ARID5B: variants seen among roughly 807,000 people sequenced by gnomAD.
ARID5B encodes AT-rich interactive domain-containing protein 5B.
In ARID5B, 13 loss-of-function variants were observed where a neutral mutation model predicts 97.2. That is an observed-to-expected ratio of 0.13 (90% CI 0.09 to 0.21). The LOEUF is 0.21. Ranked by LOEUF, ARID5B falls within the 10% of genes least tolerant of loss-of-function variation. ARID5B has a pLI of 1.00. For missense variants in ARID5B, 1,210 were observed against 1,465.3 expected (o/e 0.83, Z 2.84); for synonymous variants, 556 against 570.3 (o/e 0.97, Z 0.36).
At chr10:62,052,879 C>G (rs894494251) in intron 5 of ARID5B, among the ~76,000 whole-genome samples, 4 of 152,228 alleles carry the variant, frequency 2.6e-5, no homozygotes, top group Non-Finnish European at 5.9e-5. Flanking sequence ...ATGCTGCAGT[C>G]AGCTCCTAGG....
chr10:61,938,917 A>C (rs1589226764), intron 2 of ARID5B, among the ~76,000 whole-genome samples: 1 of 146,784 alleles, frequency 6.8e-6, no homozygotes, highest in Non-Finnish European at 1.5e-5. Context: ...AGGGCTTCTT[A>C]TTATGTGAAG....
At chr10:62,037,072 A>G (rs1839574970) in intron 4 of ARID5B, among the ~76,000 whole-genome samples, 1 of 152,204 alleles carries the variant, frequency 6.6e-6, no homozygotes, top group Non-Finnish European at 1.5e-5. Context: ...TTTAAGAAGC[A>G]GTCTACACTA....
chr10:61,910,330 C>T (rs949813380), intron 2 of ARID5B, among the ~76,000 whole-genome samples: 3 of 152,172 alleles, frequency 2.0e-5, no homozygotes, highest in Admixed American at 6.5e-5. Flanking sequence ...GAACCAAATG[C>T]ATTCACTTGT....
rs55693211 is a variant in ARID5B at position 61,956,585 on chromosome 10, C to T, written c.502+16177C>T. On this transcript the variant is annotated intron_variant, in intron 3 of 9. Coordinates refer to ENST00000279873, the MANE Select transcript of ARID5B (RefSeq NM_032199.3). ...GCCTCCTCAGCACTCTCTGTCCCCA[C>T]TCCCAATTTTCCCTTCTCCAGGTCA... is the stretch of plus-strand genomic sequence containing the variant. Among the ~76,000 whole-genome samples, 721 of 152,312 alleles carry T rather than the reference C, an allele frequency of 4.7e-3. 7 individuals are homozygous for T. Among genetic ancestry groups the T allele is most frequent in the African/African-American group, 0.017 (696 of 41,560 alleles).
At chr10:61,911,596 C>A (rs1050799517) in intron 2 of ARID5B, among the ~76,000 whole-genome samples, 1 of 152,078 alleles carries the variant, frequency 6.6e-6, no homozygotes, top group Non-Finnish European at 1.5e-5. Flanking sequence ...TGCTTCCAGT[C>A]CTGGAGTAGT....
intron 3 of ARID5B, among the ~76,000 whole-genome samples, chr10:61,995,829 G>T (rs1838988220): frequency 6.6e-6 from 1 of 152,086 alleles, no homozygotes; most frequent in Admixed American, 6.5e-5. Flanking sequence ...AGTCCTCAAG[G>T]TCTCGTGGGC....
At chr10:62,071,834 C>A (rs560138516) in intron 8 of ARID5B, among the ~76,000 whole-genome samples, 1 of 152,116 alleles carries the variant, frequency 6.6e-6, no homozygotes, top group Non-Finnish European at 1.5e-5. Flanking sequence ...ATTGGATATT[C>A]CATAAAGGTT....
intron 5 of ARID5B, among the ~76,000 whole-genome samples, chr10:62,055,028 T>C (rs1336643208): frequency 6.6e-6 from 1 of 152,192 alleles, no homozygotes; most frequent in Admixed American, 6.5e-5. Context: ...ACTGATTTCC[T>C]TCCCCTTTGC....
intron 4 of ARID5B, among the ~76,000 whole-genome samples, chr10:62,034,422 T>G (rs1028477317): frequency 5.9e-5 from 9 of 152,154 alleles, no homozygotes; most frequent in African/African-American, 1.9e-4. Flanking sequence ...CATAGTTACA[T>G]CCCCTCTGTG....
In ARID5B at chr10:62,057,326, T is replaced by C. The variant is rs986323026; in HGVS notation, c.1048+8T>C. 2.5e-6 allele frequency: 4 copies of C among 1,608,444 alleles called. No individual in the cohort carries two copies. The African/African-American group carries it at 5.4e-5, about 22-fold the overall frequency. ...ATTTAGGTTTTAAACAGAGTGAGTA[T>C]ACTTGTTTTCGTTTCTGAATTATCA... On this transcript the variant is annotated splice_region_variant and intron_variant, in intron 6 of 9. Transcript: ENST00000279873.
chr10:62,019,305 C>T (rs575957616), intron 4 of ARID5B, among the ~76,000 whole-genome samples: 43 of 152,284 alleles, frequency 2.8e-4, no homozygotes, highest in Non-Finnish European at 4.1e-4. Context: ...GTTTAAATTG[C>T]TATTATTTCT....
At chr10:62,003,551 A>T (rs1232146369) in intron 4 of ARID5B, among the ~76,000 whole-genome samples, 2 of 152,062 alleles carry the variant, frequency 1.3e-5, no homozygotes, top group Non-Finnish European at 2.9e-5. Flanking sequence ...TCAACTGTTG[A>T]TCTGTCTTAG....
chr10:61,948,151 C>G (rs1003650198), intron 3 of ARID5B, among the ~76,000 whole-genome samples: 3 of 152,130 alleles, frequency 2.0e-5, no homozygotes, highest in Non-Finnish European at 2.9e-5. Context: ...CCAGTATTTA[C>G]CTCTAGGATA....
intron 7 of ARID5B, among the ~76,000 whole-genome samples, chr10:62,063,617 T>G (rs926215000): frequency 6.6e-6 from 1 of 152,186 alleles, no homozygotes; most frequent in African/African-American, 2.4e-5. Flanking sequence ...TGGAAATGTA[T>G]AGAGTGTTTC....
intron 8 of ARID5B, among the ~76,000 whole-genome samples, chr10:62,084,604 T>G (rs763980300): frequency 6.6e-6 from 1 of 152,250 alleles, no homozygotes; most frequent in Non-Finnish European, 1.5e-5. Flanking sequence ...AGTGAGTCAT[T>G]AATCATACCA....
At chr10:62,086,453 G>A (rs1840281251) in intron 9 of ARID5B, among the ~76,000 whole-genome samples, 3 of 152,090 alleles carry the variant, frequency 2.0e-5, no homozygotes, top group Admixed American at 2.0e-4. Context: ...TGTAATCCCA[G>A]CACTTTGGGA....
intron 4 of ARID5B, among the ~76,000 whole-genome samples, chr10:62,041,626 G>A (rs1043670985): frequency 5.3e-5 from 8 of 152,118 alleles, no homozygotes; most frequent in Non-Finnish European, 8.8e-5. Flanking sequence ...ACTCATCCAA[G>A]TATGTCATAA....
intron 8 of ARID5B, among the ~76,000 whole-genome samples, chr10:62,079,280 CA>C (rs11310983): frequency 0.33 from 50,229 of 151,968 alleles, 9,202 homozygotes; most frequent in Non-Finnish European, 0.42. Context: ...TGGTCGAACT[CA>C]AAATTTTGAC....
At chr10:61,963,302 T>C (rs1564614415) in intron 3 of ARID5B, among the ~76,000 whole-genome samples, 1 of 152,232 alleles carries the variant, frequency 6.6e-6, no homozygotes. Flanking sequence ...CCAGTTTGCC[T>C]GGTTTATCTC....
Sources: gnomAD v4.1 joint callset for allele counts (sites outside exome capture counted in the v4.1 genomes callset) on GRCh38, gnomAD v4.1.1 for gene constraint, MANE v1.5 for transcripts, NCBI Gene and HGNC (gene_info 2026-07-23, HGNC 2026-07-21) for gene names.